The following OXA1L variants were observed in gnomAD, a reference collection of about 807,000 sequenced individuals.
OXA1L encodes mitochondrial inner membrane protein OXA1L.
A neutral mutation model predicts 52.2 loss-of-function variants in OXA1L; 42 were observed. That is an observed-to-expected ratio of 0.80 (90% CI 0.63 to 1.04). The LOEUF is 1.04. OXA1L is among the 50% of genes least tolerant of loss of function. The pLI is 0.00. For missense variants in OXA1L, 572 were observed against 555.0 expected (o/e 1.03, Z -0.31); for synonymous variants, 239 against 201.9 (o/e 1.18, Z -1.56).
intron 3 of OXA1L, 94 bp downstream of exon 3, chr14:22,768,265 G>T (rs749521107): frequency 2.1e-6 from 2 of 942,286 alleles, no homozygotes; most frequent in South Asian, 2.7e-5. Flanking sequence ...AGAAGCTCTG[G>T]GGTCAGAAGA....
At chr14:22,767,577 G>A (rs2139373070) in intron 2 of OXA1L, 168 bp downstream of exon 2, 1 of 591,670 alleles carries the variant, frequency 1.7e-6, no homozygotes, top group African/African-American at 1.9e-5. Context: ...CAATTCAGTG[G>A]GGAAATGATT....
rs565676273 is a variant in OXA1L, at chr14:22,769,594, T to G, written c.440-197T>G. ...TGCTTAGAGAAGTTAATGCCATACT[T>G]TTGTGATGCCAAATTAGAGAACTGA... On this transcript the variant is annotated intron_variant, in intron 3 of 9. Transcript: ENST00000612549. Among the ~76,000 whole-genome samples the G allele has an allele frequency of 2.0e-5, 3 of 152,314 alleles. No homozygotes were observed. In the East Asian group the frequency reaches 5.8e-4, roughly 29 times the overall value.
In OXA1L at chr14:22,769,852, C is replaced by T. The variant is rs1259092176; in HGVS notation, c.501C>T (p.Ala167=). The T allele has an allele frequency of 1.2e-6, 2 of 1,614,124 alleles. No individual in the cohort carries two copies. Among genetic ancestry groups the T allele is most frequent in the Admixed American group, 3.3e-5 (2 of 60,024 alleles). The change falls in exon 4 of 10, where the codon GCC becomes GCT. Residue 167 remains alanine, a synonymous_variant. Transcript: ENST00000612549. Reference sequence around the variant, plus strand: ...TCGTGACGGGCCAGCGAGAGGCAGCCAGGATCCACAATCACTTGCCAGAGA... The same window carrying T: ...TCGTGACGGGCCAGCGAGAGGCAGCTAGGATCCACAATCACTTGCCAGAGA... The part of the protein sequence containing the change: ...PLIVTGQREA[A]RIHNHLPEIQ...
Position 22,770,162 on chromosome 14 carries a change from C to T in OXA1L, c.584-31C>T, listed in dbSNP as rs775736388. 2.0e-6 allele frequency: 3 copies of T among 1,513,224 alleles called. No individual in the cohort carries two copies. In the South Asian group the frequency reaches 3.4e-5, roughly 17 times the overall value. 93.7% of individuals were successfully genotyped at this position (1,513,224 alleles called of 1,614,324 possible). On this transcript the variant is annotated intron_variant, in intron 4 of 9. Coordinates refer to ENST00000612549, the MANE Select transcript of OXA1L (RefSeq NM_005015.5). ...TTCACCTCCACTGATGTAACTGTTA[C>T]CCCAACCATTAATTTCCCCTCACCT...
Position 22,767,368 on chromosome 14 carries a change from C to T in OXA1L, c.184C>T (p.Arg62Cys), listed in dbSNP as rs1331798340. 25 of 1,613,570 alleles carry T rather than the reference C, an allele frequency of 1.5e-5. No individual in the cohort carries two copies. Among genetic ancestry groups the T allele is most frequent in the Non-Finnish European group, 2.1e-5 (25 of 1,179,828 alleles). ...HYLFLAASGP[R>C]SLSTSAISFA... is the part of the protein sequence containing the mutation. ...CCTCTTCCTTGCGGCTTCCGGCCCC[C>T]GCAGCCTCAGTACCTCTGCTATCTC... is the stretch of plus-strand genomic sequence containing the variant. Residue 62 changes from arginine (R) to cysteine (C), a missense_variant, in exon 2 of 10, where the codon CGC becomes TGC. This residue lies in a region of OXA1L where 186 missense variants were observed against 151.8 expected (regional missense o/e 1.23). Transcript: ENST00000612549.
intron 2 of OXA1L, chr14:22,767,673 A>T (rs952752435): frequency 1.2e-5 from 6 of 499,600 alleles, no homozygotes; most frequent in African/African-American, 3.9e-5. Context: ...TATGGCAAAA[A>T]TCATGATAGT....
At chr14:22,769,707 C>T in intron 3 of OXA1L, 84 bp from the exon 4 acceptor site, 2 of 1,429,158 alleles carry the variant, frequency 1.4e-6, no homozygotes, top group Non-Finnish European at 9.8e-7. Flanking sequence ...GAATAAGACC[C>T]TTTCAGTAAG....
At position 22,767,295 on chromosome 14, in the gene OXA1L, C is replaced by T. The variant is rs1396549331; in HGVS notation, c.111C>T (p.Thr37=). 8.1e-6 allele frequency: 13 copies of T among 1,613,392 alleles called. No homozygotes were observed. The highest frequency in any genetic ancestry group is 1.1e-5 in the Non-Finnish European group (13 of 1,179,858). ...GPSQWLGKPL[T]TRLLFPAAPC... ...CGCAATGGCTTGGGAAACCGCTGAC[C>T]ACACGGCTCCTATTCCCAGCAGCCC... Residue 37 remains threonine, a synonymous_variant, in exon 2 of 10, where the codon ACC becomes ACT. Coordinates refer to ENST00000612549, the MANE Select transcript of OXA1L (RefSeq NM_005015.5).
chr14:22,770,671 G>A (rs1957502), intron 6 of OXA1L, 46 bp downstream of exon 6: 1,335,150 of 1,595,574 alleles, frequency 0.84, 561,828 homozygotes, highest in Admixed American at 0.91. Context: ...GTGAACTGGG[G>A]TTGGAGGGTA....
At position 22,770,906 on chromosome 14, in the gene OXA1L, C is replaced by T. The variant is rs1360083902; in HGVS notation, c.936C>T (p.Pro312=). 1 of 1,613,636 alleles carries T rather than the reference C, an allele frequency of 6.2e-7. No homozygotes were observed. Among genetic ancestry groups the T allele is most frequent in the Admixed American group, 1.7e-5 (1 of 60,030 alleles). The part of the protein sequence containing the change: ...LITLPITMHF[P]TAVFMYWLSS... ...CCTTGCCCATAACCATGCATTTCCC[C>T]ACGGTATGTAATGCCTTATGGGCTG... The change falls in exon 7 of 10, where the codon CCC becomes CCT. Residue 312 remains proline, a synonymous_variant. Transcript: ENST00000612549.
In OXA1L at chr14:22,767,426, T is replaced by G; in HGVS notation, c.225+17T>G. 6.3e-7 allele frequency: 1 copy of G among 1,582,330 alleles called. No homozygotes were observed. Among genetic ancestry groups the G allele is most frequent in the South Asian group, 1.2e-5 (1 of 86,898 alleles). Reference sequence around the variant, plus strand: ...GAAGTCCAGGTAAGAGGCCTTTCGTTCCTGCAATATTAGGAGTGGTGTTTC... The same window carrying G: ...GAAGTCCAGGTAAGAGGCCTTTCGTGCCTGCAATATTAGGAGTGGTGTTTC... On this transcript the variant is annotated intron_variant, in intron 2 of 9. Coordinates refer to ENST00000612549, the MANE Select transcript of OXA1L (RefSeq NM_005015.5).
At chr14:22,766,858 G>T in intron 1 of OXA1L, 94 bp downstream of exon 1, 5 of 1,572,096 alleles carry the variant, frequency 3.2e-6, no homozygotes, top group South Asian at 1.2e-5. Flanking sequence ...AGCAGACGCT[G>T]ACCTGCTCAC....
At chr14:22,767,859 G>A in intron 2 of OXA1L, 99 bp from the exon 3 acceptor site, 1 of 878,470 alleles carries the variant, frequency 1.1e-6, no homozygotes, top group Non-Finnish European at 1.7e-6. Context: ...AGAACAAGAA[G>A]TAGAGAGAAC....
intron 4 of OXA1L, 30 bp from the exon 5 acceptor site, chr14:22,770,163 C>G: frequency 1.3e-6 from 2 of 1,520,664 alleles, no homozygotes; most frequent in Non-Finnish European, 1.8e-6. Context: ...TAACTGTTAC[C>G]CCAACCATTA....
In OXA1L at chr14:22,771,536, C is replaced by A; in HGVS notation, c.1286C>A (p.Pro429His). 6.2e-7 allele frequency: 1 copy of A among 1,614,158 alleles called. No homozygotes were observed. The highest frequency in any genetic ancestry group is 1.1e-5 in the South Asian group (1 of 91,082). The stretch of plus-strand genomic sequence containing the variant: ...AGCAGCAAACCAAAGTCAAAGTATC[C>A]CTGGCACGACACACTTGGCTGACTT... Reference protein sequence around the residue: ...SSSSKPKSKYPWHDTLG With the variant: ...SSSSKPKSKYHWHDTLG The change falls in exon 10 of 10, where the codon CCC (proline) becomes CAC (histidine). Residue 429 changes from proline (P) to histidine (H), a missense_variant. Coordinates refer to ENST00000612549, the MANE Select transcript of OXA1L (RefSeq NM_005015.5).
Position 22,766,722 on chromosome 14 carries a change from C to T in OXA1L, c.21C>T (p.Cys7=), listed in dbSNP as rs777948310. The change falls in exon 1 of 10, where the codon TGC becomes TGT. Residue 7 remains cysteine, a synonymous_variant. Coordinates refer to ENST00000612549, the MANE Select transcript of OXA1L (RefSeq NM_005015.5). ...GCAAAATGGCGATGGGACTAATGTG[C>T]GGACGCCGGGAGCTTCTGCGCTTGC... MAMGLM[C]GRRELLRLLQ... is the part of the protein sequence containing the mutation. 26 of 1,614,262 alleles carry T rather than the reference C, an allele frequency of 1.6e-5. No individual in the cohort carries two copies. In the South Asian group the frequency reaches 2.3e-4, roughly 14 times the overall value.
At chr14:22,767,433 A>G (rs762772319) in intron 2 of OXA1L, 24 bp downstream of exon 2, 6 of 1,573,868 alleles carry the variant, frequency 3.8e-6, no homozygotes, top group South Asian at 1.2e-5. Context: ...CGTTCCTGCA[A>G]TATTAGGAGT....
intron 3 of OXA1L, 28 bp from the exon 4 acceptor site, chr14:22,769,762 TC>T (rs1162033613): frequency 1.2e-6 from 2 of 1,613,430 alleles, no homozygotes; most frequent in Non-Finnish European, 1.7e-6. Context: ...TGCTTTAATT[TC>T]ACTCCAATCC....
At chr14:22,767,103 G>C in intron 1 of OXA1L, 145 bp from the exon 2 acceptor site, 2 of 1,534,760 alleles carry the variant, frequency 1.3e-6, no homozygotes, top group South Asian at 1.2e-5. Context: ...CGGGCTAGCG[G>C]TCTGCGCGCG....
Sources: allele counts gnomAD v4.1 joint callset (sites outside exome capture counted in the v4.1 genomes callset), GRCh38; gene constraint gnomAD v4.1.1; regional missense constraint gnomAD v4.1.1; transcripts MANE v1.5; gene names NCBI Gene and HGNC (gene_info 2026-07-23, HGNC 2026-07-21).